The following EGFLAM variants were observed in gnomAD, a reference collection of about 807,000 sequenced individuals.
The protein encoded by EGFLAM is pikachurin.
EGFLAM carries 79 observed loss-of-function variants against 113.1 expected under a neutral mutation model. That is an observed-to-expected ratio of 0.70 (90% CI 0.58 to 0.84). The LOEUF is 0.84. Ranked by LOEUF, EGFLAM falls within the 40% of genes least tolerant of loss-of-function variation. The pLI is 0.00. For missense variants in EGFLAM, 1,265 were observed against 1,291.6 expected (o/e 0.98, Z 0.32); for synonymous variants, 504 against 487.6 (o/e 1.03, Z -0.44).
At chr5:38,410,722 T>G (rs765541217) in intron 10 of EGFLAM, among the ~76,000 whole-genome samples, 13 of 152,204 alleles carry the variant, frequency 8.5e-5, no homozygotes, top group Non-Finnish European at 1.9e-4. Context: ...TGCAGCCATC[T>G]GAGGACACCC....
At chr5:38,436,004 GAC>G in intron 16 of EGFLAM, among the ~76,000 whole-genome samples, 1 of 152,016 alleles carries the variant, frequency 6.6e-6, no homozygotes, top group African/African-American at 2.4e-5. Flanking sequence ...TTTTAGTAGA[GAC>G]AGGGTTTCAC....
At chr5:38,413,967 G>T (rs1009955408) in intron 11 of EGFLAM, among the ~76,000 whole-genome samples, 4 of 152,178 alleles carry the variant, frequency 2.6e-5, no homozygotes, top group African/African-American at 9.7e-5. Context: ...TGGCACAGCT[G>T]ATCTGACAGA....
rs1276520122 is a variant in EGFLAM, at chr5:38,350,511, T to C, written c.302T>C (p.Ile101Thr). Residue 101 changes from isoleucine to threonine, a missense_variant, in exon 4 of 22, where the codon ATT becomes ACT. Coordinates refer to ENST00000322350, the MANE Select transcript of EGFLAM (RefSeq NM_152403.4). Reference protein sequence around the residue: ...SRDIPTTEEVIGDLKPGTEYR... With the variant: ...SRDIPTTEEVTGDLKPGTEYR... ...TTTGGTCATTGACAGGAGGAAGTGA[T>C]TGGAGATTTGAAACCAGGCACTGAA... 3 of 1,613,754 alleles carry C rather than the reference T, an allele frequency of 1.9e-6. No homozygotes were observed. Among genetic ancestry groups the C allele is most frequent in the African/African-American group, 1.3e-5 (1 of 74,930 alleles).
At chr5:38,367,104 A>G (rs926520818) in intron 5 of EGFLAM, among the ~76,000 whole-genome samples, 2 of 152,058 alleles carry the variant, frequency 1.3e-5, no homozygotes, top group Non-Finnish European at 2.9e-5. Flanking sequence ...CTACTTGGCA[A>G]AATGCTTGCA....
At chr5:38,310,391 A>G (rs1738400717) in intron 1 of EGFLAM, among the ~76,000 whole-genome samples, 1 of 152,194 alleles carries the variant, frequency 6.6e-6, no homozygotes, top group Admixed American at 6.5e-5. Context: ...ACAACCTACT[A>G]CATGAGGTGA....
At chr5:38,271,606 C>T (rs1757765814) in intron 1 of EGFLAM, among the ~76,000 whole-genome samples, 1 of 152,146 alleles carries the variant, frequency 6.6e-6, no homozygotes, top group African/African-American at 2.4e-5. Context: ...TTGATCTGAC[C>T]CCTTGGAATA....
chr5:38,399,555 G>A (rs983114530), intron 6 of EGFLAM, among the ~76,000 whole-genome samples: 13 of 152,118 alleles, frequency 8.5e-5, no homozygotes, highest in African/African-American at 2.7e-4. Flanking sequence ...TAGGGTTACA[G>A]GTGTGAGCCA....
chr5:38,371,634 A>G (rs1327831526), intron 6 of EGFLAM, among the ~76,000 whole-genome samples: 1 of 151,860 alleles, frequency 6.6e-6, no homozygotes, highest in Non-Finnish European at 1.5e-5. Flanking sequence ...ACACACACAC[A>G]CACGCACACA....
rs1319154294 is a variant in EGFLAM at position 38,412,663 on chromosome 5, C to T, written c.1494+15C>T. On this transcript the variant is annotated intron_variant, in intron 11 of 21. Transcript: ENST00000322350. ...GCCAGTCTCAGGTATGTATGAGCCC[C>T]ACACCCTGCCCACCCCACATACCAC... 1 of 1,611,918 alleles carries T rather than the reference C, an allele frequency of 6.2e-7. No homozygotes were observed. Among genetic ancestry groups the T allele is most frequent in the African/African-American group, 1.3e-5 (1 of 74,854 alleles).
At chr5:38,414,457 T>A (rs1467523415) in intron 11 of EGFLAM, among the ~76,000 whole-genome samples, 1 of 152,216 alleles carries the variant, frequency 6.6e-6, no homozygotes, top group African/African-American at 2.4e-5. Context: ...CAGGGTCATG[T>A]GGTAACAAGA....
intron 15 of EGFLAM, among the ~76,000 whole-genome samples, chr5:38,431,934 G>A (rs1047081250): frequency 3.3e-5 from 5 of 152,156 alleles, no homozygotes; most frequent in Non-Finnish European, 5.9e-5. Flanking sequence ...GGTGGTGGTC[G>A]TGGTGAATAG....
At chr5:38,332,351 G>A (rs1739067705) in intron 1 of EGFLAM, among the ~76,000 whole-genome samples, 1 of 152,074 alleles carries the variant, frequency 6.6e-6, no homozygotes, top group Non-Finnish European at 1.5e-5. Flanking sequence ...TACATGCCAT[G>A]GGAGTTTGTT....
At chr5:38,349,773 G>GCGCGCACACACACA (rs1554049180) in intron 3 of EGFLAM, among the ~76,000 whole-genome samples, 4 of 130,946 alleles carry the variant, frequency 3.1e-5, no homozygotes, top group South Asian at 2.6e-4. Flanking sequence ...AAGTACACAC[G>GCGCGCACACACACA]CACACACACA....
chr5:38,370,847 G>A (rs373854928), intron 6 of EGFLAM, among the ~76,000 whole-genome samples: 295 of 152,266 alleles, frequency 1.9e-3, no homozygotes, highest in Non-Finnish European at 3.2e-3. Context: ...TTCAGCGTTC[G>A]TGTTCGCCTG....
intron 19 of EGFLAM, among the ~76,000 whole-genome samples, chr5:38,453,850 T>C (rs966556895): frequency 2.0e-5 from 3 of 152,080 alleles, no homozygotes; most frequent in Admixed American, 1.3e-4. Flanking sequence ...TCTACTCCAG[T>C]AGGGAAACAG....
intron 4 of EGFLAM, among the ~76,000 whole-genome samples, chr5:38,351,842 T>C (rs4869452): frequency 0.44 from 66,436 of 151,728 alleles, 17,844 homozygotes; most frequent in Non-Finnish European, 0.57. Context: ...CTATTAGGAG[T>C]TGAGAATGTG....
intron 1 of EGFLAM, among the ~76,000 whole-genome samples, chr5:38,283,587 AC>A (rs1410596615): frequency 6.6e-6 from 1 of 152,132 alleles, no homozygotes; most frequent in Non-Finnish European, 1.5e-5. Context: ...TAACTGTCCA[AC>A]CCTGCCTGGT....
intron 6 of EGFLAM, among the ~76,000 whole-genome samples, chr5:38,400,344 C>CT (rs970335391): frequency 2.0e-5 from 3 of 152,272 alleles, no homozygotes; most frequent in South Asian, 2.1e-4. Context: ...TGTTTATTAA[C>CT]TTTTTTTAAT....
At chr5:38,335,697 C>T (rs1203621029) in intron 1 of EGFLAM, among the ~76,000 whole-genome samples, 1 of 152,122 alleles carries the variant, frequency 6.6e-6, no homozygotes, top group Non-Finnish European at 1.5e-5. Flanking sequence ...GTATATGGGG[C>T]AGAGGGGAGC....
Sources: gnomAD v4.1 joint callset for allele counts (sites outside exome capture counted in the v4.1 genomes callset) on GRCh38, gnomAD v4.1.1 for gene constraint, MANE v1.5 for transcripts, NCBI Gene and HGNC (gene_info 2026-07-23, HGNC 2026-07-21) for gene names.